Variants in BPIFB4 observed in about 807,000 individuals in gnomAD.
The protein encoded by BPIFB4 is BPI fold containing family B member 4.
BPIFB4 carries 62 observed loss-of-function variants against 69.2 expected under a neutral mutation model. The observed-to-expected ratio is 0.90, with a 90% CI of 0.73 to 1.11. The LOEUF (loss-of-function observed/expected upper bound fraction) is 1.11, where lower values mean the gene tolerates loss of function less well. Ranked by LOEUF, BPIFB4 falls within the 50% of genes least tolerant of loss-of-function variation. The probability of loss-of-function intolerance (pLI) is 0.00; values close to 1 mark genes in which losing one functional copy is unlikely to be tolerated. For missense variants in BPIFB4, 789 were observed against 792.0 expected, an observed-to-expected ratio of 1.00 and a Z score of 0.04; for synonymous variants, 330 against 332.7, an observed-to-expected ratio of 0.99 and a Z score of 0.09.
intron 15 of BPIFB4, 146 bp downstream of exon 15, chr20:33,103,160 T>C (rs142419935): frequency 1.3e-5 from 12 of 894,010 alleles, no homozygotes; most frequent in Middle Eastern, 3.4e-4. Flanking sequence ...TCAGCCCTCA[T>C]TTTGCAGATG....
At chr20:33,094,529 C>A (rs1475831452) in intron 11 of BPIFB4, among the ~76,000 whole-genome samples, 1 of 146,270 alleles carries the variant, frequency 6.8e-6, no homozygotes, top group Non-Finnish European at 1.5e-5. Flanking sequence ...TTTTTTGAGA[C>A]AGAATCTTGC....
rs753416650 is a variant in BPIFB4 at position 33,097,775 on chromosome 20, C to T, written c.1557C>T (p.Cys519=). The change falls in exon 13 of 18, where the codon TGC becomes TGT. Residue 519 remains cysteine, a synonymous_variant. Coordinates refer to ENST00000375483, the MANE Select transcript of BPIFB4 (RefSeq NM_182519.3). ...SQPKDLETTI[C]LIDVDTEFLA... is the part of the protein sequence containing the mutation. ...CCAAAGACCTGGAGACTACCATCTGCCTCATTGACGTGGTGAGTGTCTGGA... is the reference window on the plus strand; with the variant it reads ...CCAAAGACCTGGAGACTACCATCTGTCTCATTGACGTGGTGAGTGTCTGGA... The T allele has an allele frequency of 1.9e-6, 3 of 1,613,044 alleles. No homozygotes were observed. Among genetic ancestry groups the T allele is most frequent in the Non-Finnish European group, 2.5e-6 (3 of 1,179,446 alleles).
chr20:33,103,899 C>T (rs1981974164), intron 15 of BPIFB4, among the ~76,000 whole-genome samples: 1 of 152,188 alleles, frequency 6.6e-6, no homozygotes, highest in East Asian at 1.9e-4. Flanking sequence ...AAGGGGCTGA[C>T]AGTGTAAAAT....
At chr20:33,082,119 C>A (rs1432953202) in intron 3 of BPIFB4, among the ~76,000 whole-genome samples, 1 of 152,120 alleles carries the variant, frequency 6.6e-6, no homozygotes, top group African/African-American at 2.4e-5. Flanking sequence ...ATTCTTAGGA[C>A]CTTGCTTTTG....
At chr20:33,107,431 AAAACAAACAAAAC>A (rs1374261550) in intron 16 of BPIFB4, among the ~76,000 whole-genome samples, 1 of 152,032 alleles carries the variant, frequency 6.6e-6, no homozygotes, top group Non-Finnish European at 1.5e-5. Flanking sequence ...TGTCTTTACT[AAAACAAACAAAAC>A]AAACAAACAA....
chr20:33,110,585 T>C (rs1982206357), intron 17 of BPIFB4, among the ~76,000 whole-genome samples: 1 of 152,232 alleles, frequency 6.6e-6, no homozygotes, highest in Non-Finnish European at 1.5e-5. Context: ...TTCACGGTTT[T>C]GTCTGCAACT....
At chr20:33,107,262 G>GA (rs1369821865) in intron 16 of BPIFB4, among the ~76,000 whole-genome samples, 3 of 149,754 alleles carry the variant, frequency 2.0e-5, no homozygotes, top group African/African-American at 7.4e-5. Context: ...GAAAAGAAGA[G>GA]AAAAGAGAAA....
intron 13 of BPIFB4, 67 bp from the exon 14 acceptor site, chr20:33,100,359 G>A (rs890133218): frequency 5.1e-6 from 7 of 1,375,998 alleles, no homozygotes; most frequent in Middle Eastern, 3.7e-4. Context: ...GGCACACAAT[G>A]AGCCTTTGGC....
chr20:33,089,729 A>ACC (rs11415806), intron 9 of BPIFB4, among the ~76,000 whole-genome samples, 171 bp downstream of exon 9: 4,296 of 151,262 alleles, frequency 0.028, 89 homozygotes, highest in East Asian at 0.077. Flanking sequence ...GCTCCCAAAC[A>ACC]CCCCCCCCGA....
At chr20:33,102,426 C>T (rs1250690891) in intron 14 of BPIFB4, among the ~76,000 whole-genome samples, 7 of 152,196 alleles carry the variant, frequency 4.6e-5, no homozygotes, top group Non-Finnish European at 7.3e-5. Context: ...TAGAGCAGAG[C>T]GAGACCTCAA....
intron 10 of BPIFB4, 121 bp from the exon 11 acceptor site, chr20:33,092,337 A>G: frequency 1.3e-6 from 1 of 774,012 alleles, no homozygotes; most frequent in South Asian, 1.8e-5. Flanking sequence ...AGCCACTCAG[A>G]CTCAGTGGGT....
chr20:33,081,758 T>C, intron 3 of BPIFB4, 126 bp downstream of exon 3: 1 of 1,450,282 alleles, frequency 6.9e-7, no homozygotes, highest in South Asian at 1.5e-5. Flanking sequence ...TGAATTCTAC[T>C]CTCTGGGCCT....
rs200540628 is a variant in BPIFB4 at position 33,086,089 on chromosome 20, G to T, written c.851G>T (p.Arg284Leu). 9 of 1,613,326 alleles carry T rather than the reference G, an allele frequency of 5.6e-6. No homozygotes were observed. The highest frequency in any genetic ancestry group is 3.3e-5 in the South Asian group (3 of 91,054). ...ITAKVRLTMDRTGYPRLVIER... is the reference protein window; with the variant it reads ...ITAKVRLTMDLTGYPRLVIER... ...GCCAAGGTCCGGCTGACCATGGACCGCACGGGTTATCCTCGGCTGGTCATT... is the reference window on the plus strand; with the variant it reads ...GCCAAGGTCCGGCTGACCATGGACCTCACGGGTTATCCTCGGCTGGTCATT... Residue 284 changes from arginine to leucine, a missense_variant, in exon 7 of 18, where the codon CGC (arginine) becomes CTC (leucine). Coordinates refer to ENST00000375483, the MANE Select transcript of BPIFB4 (RefSeq NM_182519.3).
Position 33,104,887 on chromosome 20 carries a change from C to T in BPIFB4, c.1744+14C>T. On this transcript the variant is annotated intron_variant, in intron 16 of 17. Coordinates refer to ENST00000375483, the MANE Select transcript of BPIFB4 (RefSeq NM_182519.3). ...CCGCAATGAACGGTGAGAGCGGGTG[C>T]CTGTGCCTCTCTGGGAGCTTGTGGC... 6.2e-7 allele frequency: 1 copy of T among 1,613,270 alleles called. No homozygotes were observed. The highest frequency in any genetic ancestry group is 1.1e-5 in the South Asian group (1 of 91,016).
At chr20:33,088,552 C>T (rs994869410) in intron 7 of BPIFB4, among the ~76,000 whole-genome samples, 1 of 152,138 alleles carries the variant, frequency 6.6e-6, no homozygotes, top group Non-Finnish European at 1.5e-5. Context: ...CTACTATGTA[C>T]TAGATCTTGA....
In BPIFB4 at chr20:33,083,009, C is replaced by T. The variant is rs749669746; in HGVS notation, c.169+9C>T. The T allele has an allele frequency of 1.4e-5, 20 of 1,450,212 alleles. No homozygotes were observed. The highest frequency in any genetic ancestry group is 3.4e-5 in the South Asian group (3 of 88,740). The allele number at this position is 1,450,212 out of a possible 1,614,324, so 89.8% of individuals were successfully genotyped here. A position where few individuals can be genotyped will look rare whatever the true frequency, so the allele number is the denominator to read the frequency against. On this transcript the variant is annotated intron_variant, in intron 4 of 17. Coordinates refer to ENST00000375483, the MANE Select transcript of BPIFB4 (RefSeq NM_182519.3). ...GAGAGAGGTGCCCTTGGGTAAAGCC[C>T]GTGGTGATGGTGGTGGGCCTCTCCT...
chr20:33,091,980 G>T (rs1981612070), intron 10 of BPIFB4, among the ~76,000 whole-genome samples: 1 of 152,116 alleles, frequency 6.6e-6, no homozygotes, highest in Non-Finnish European at 1.5e-5. Flanking sequence ...GTGGGGAAGG[G>T]AATATCCTGT....
At chr20:33,094,452 T>C (rs1287720266) in intron 11 of BPIFB4, among the ~76,000 whole-genome samples, 1 of 152,194 alleles carries the variant, frequency 6.6e-6, no homozygotes, top group Non-Finnish European at 1.5e-5. Context: ...ATGGACTTGA[T>C]GCTGGTCTCC....
chr20:33,088,140 C>T (rs780024382), intron 7 of BPIFB4, among the ~76,000 whole-genome samples: 1 of 152,038 alleles, frequency 6.6e-6, no homozygotes, highest in Non-Finnish European at 1.5e-5. Flanking sequence ...ATCTATACAT[C>T]TTGTTTATCG....
Sources: gnomAD v4.1 joint callset for allele counts (sites outside exome capture counted in the v4.1 genomes callset) on GRCh38, gnomAD v4.1.1 for gene constraint, MANE v1.5 for transcripts, NCBI Gene and HGNC (gene_info 2026-07-23, HGNC 2026-07-21) for gene names.